The following SLC7A6 variants were observed in gnomAD, a reference collection of about 807,000 sequenced individuals.
SLC7A6 encodes the protein Y+L amino acid transporter 2.
A neutral mutation model predicts 46.6 loss-of-function variants in SLC7A6; 29 were observed. That is an observed-to-expected ratio of 0.62 (90% CI 0.46 to 0.85). SLC7A6 has a LOEUF of 0.85. SLC7A6 is among the 40% of genes least tolerant of loss of function. The pLI is 0.00. For missense variants in SLC7A6, 527 were observed against 647.6 expected, an observed-to-expected ratio of 0.81 and a Z score of 2.02; for synonymous variants, 276 against 257.3, an observed-to-expected ratio of 1.07 and a Z score of -0.70.
chr16:68,290,233 T>A, intron 4 of SLC7A6, 163 bp from the exon 5 acceptor site: 1 of 688,812 alleles, frequency 1.5e-6, no homozygotes, highest in South Asian at 2.3e-5. Context: ...CCTGCCTTCT[T>A]GTTTTTTCTT....
At position 68,275,047 on chromosome 16, in the gene SLC7A6, G is replaced by A. The variant is rs753248284; in HGVS notation, c.321G>A (p.Lys107=). ...CAGAGCTGGGGACCACCATCACCAA[G>A]TCGGGAGCCAGCTACGCTTATATTC... The part of the protein sequence containing the change: ...CYAELGTTIT[K]SGASYAYILE... The change falls in exon 3 of 11, where the codon AAG becomes AAA. Residue 107 remains lysine (K), a synonymous_variant. Transcript: ENST00000219343. 4 of 1,614,212 alleles carry A rather than the reference G, an allele frequency of 2.5e-6. No individual in the cohort carries two copies. Among genetic ancestry groups the A allele is most frequent in the Non-Finnish European group, 3.4e-6 (4 of 1,180,040 alleles).
chr16:68,274,134 C>T (rs920406466), intron 2 of SLC7A6, among the ~76,000 whole-genome samples: 3 of 152,218 alleles, frequency 2.0e-5, no homozygotes, highest in Admixed American at 6.5e-5. Context: ...GCATCTTCCT[C>T]GCCCTTCCCA....
chr16:68,284,299 T>G (rs1454561355), intron 3 of SLC7A6: 2 of 152,274 alleles, frequency 1.3e-5, no homozygotes, highest in African/African-American at 4.8e-5. Context: ...TTTTAGTATA[T>G]GTGCTGCTGA....
intron 7 of SLC7A6, 159 bp from the exon 8 acceptor site, chr16:68,294,546 G>A (rs1478509257): frequency 1.3e-5 from 8 of 620,964 alleles, no homozygotes; most frequent in Non-Finnish European, 2.3e-5. Context: ...GGGGGAGCAG[G>A]GAGGTTGGAC....
intron 3 of SLC7A6, among the ~76,000 whole-genome samples, chr16:68,286,530 T>C (rs893368901): frequency 6.6e-6 from 1 of 152,120 alleles, no homozygotes; most frequent in African/African-American, 2.4e-5. Flanking sequence ...CAAAAGATTT[T>C]GTAGTAAGAT....
intron 3 of SLC7A6, among the ~76,000 whole-genome samples, chr16:68,279,652 C>G (rs1303636710): frequency 6.6e-6 from 1 of 152,218 alleles, no homozygotes; most frequent in Non-Finnish European, 1.5e-5. Flanking sequence ...GATTCTCCTG[C>G]CTCAGCCTCC....
intron 3 of SLC7A6, among the ~76,000 whole-genome samples, chr16:68,276,128 A>C (rs1353927062): frequency 2.6e-5 from 4 of 152,152 alleles, no homozygotes; most frequent in African/African-American, 4.8e-5. Flanking sequence ...GGTACAACAA[A>C]ACACCTTTTC....
rs757289247 is a variant in SLC7A6 at position 68,301,391 on chromosome 16, T to C, written c.*4063T>C. On this transcript the variant is annotated 3_prime_UTR_variant, in exon 11 of 11. Transcript: ENST00000219343. ...CCTCTTTCCTCCTCACTCAGGCTGT[T>C]GTAGTCAGCAGAGCCTAGAATGACA... 1.2e-6 allele frequency: 2 copies of C among 1,614,056 alleles called. No individual in the cohort carries two copies. The highest frequency in any genetic ancestry group is 8.5e-7 in the Non-Finnish European group (1 of 1,179,946).
Position 68,296,699 on chromosome 16 carries a change from A to G in SLC7A6, c.1342A>G (p.Thr448Ala). Residue 448 changes from threonine (T) to alanine (A), a missense_variant, in exon 10 of 11, where the codon ACC becomes GCC. By Grantham distance (58) the Thr-to-Ala change is moderately conservative. Coordinates refer to ENST00000219343, the MANE Select transcript of SLC7A6 (RefSeq NM_003983.6). The stretch of plus-strand genomic sequence containing the variant: ...GGTGATAGTGCCCCTCTTCACTGAC[A>G]CCATTAATTCCCTCATTGGCATCGG... Reference protein sequence around the residue: ...FLVIVPLFTDTINSLIGIGIA... With the variant: ...FLVIVPLFTDAINSLIGIGIA... 2.5e-6 allele frequency: 4 copies of G among 1,614,066 alleles called. No individual in the cohort carries two copies. Among genetic ancestry groups the G allele is most frequent in the Non-Finnish European group, 2.5e-6 (3 of 1,179,980 alleles).
At chr16:68,295,935 T>C (rs925767521) in intron 8 of SLC7A6, among the ~76,000 whole-genome samples, 5 of 152,158 alleles carry the variant, frequency 3.3e-5, no homozygotes, top group Non-Finnish European at 7.3e-5. Context: ...AGGGATCCAA[T>C]TGCTAGTTAG....
chr16:68,270,982 C>T (rs535927292), intron 2 of SLC7A6, among the ~76,000 whole-genome samples: 2 of 152,104 alleles, frequency 1.3e-5, no homozygotes, highest in East Asian at 3.9e-4. Flanking sequence ...CCTTGGCCTC[C>T]CAAGTAGCTG....
intron 1 of SLC7A6, among the ~76,000 whole-genome samples, chr16:68,265,186 C>G (rs928555636): frequency 6.6e-6 from 1 of 152,170 alleles, no homozygotes; most frequent in Non-Finnish European, 1.5e-5. Context: ...TTGTGGCGTG[C>G]TGGAGCCTGG....
intron 2 of SLC7A6, chr16:68,273,192 C>T (rs2151215792): frequency 6.6e-6 from 1 of 152,240 alleles, no homozygotes; most frequent in South Asian, 2.1e-4. Context: ...CAGCATTTCC[C>T]CTAAGAACTA....
At position 68,297,272 on chromosome 16, in the gene SLC7A6, G is replaced by A. The variant is rs775196374; in HGVS notation, c.1492G>A (p.Val498Ile). Residue 498 changes from valine (V) to isoleucine (I), a missense_variant, in exon 11 of 11, where the codon GTC becomes ATC. Physicochemically the swap from Val to Ile is conservative, Grantham distance 29. Transcript: ENST00000219343. ...TRGTQQLCFC[V>I]LTELDVAEEK... is the part of the protein sequence containing the mutation. The stretch of plus-strand genomic sequence containing the variant: ...AGGCACCCAGCAGCTTTGCTTTTGT[G>A]TCCTGACTGAGCTTGATGTAGCCGA... 1 of 1,614,150 alleles carries A rather than the reference G, an allele frequency of 6.2e-7. No individual in the cohort carries two copies. Among genetic ancestry groups the A allele is most frequent in the Non-Finnish European group, 8.5e-7 (1 of 1,180,014 alleles).
In SLC7A6 at chr16:68,275,223, G is replaced by A. The variant is rs2042687801; in HGVS notation, c.497G>A (p.Cys166Tyr). Reference sequence around the variant, plus strand: ...AGCTGTGATCCCCCATACCTGGCCTGCCGTCTCCTGGCTGCTGCTTGCATA... The same window carrying A: ...AGCTGTGATCCCCCATACCTGGCCTACCGTCTCCTGGCTGCTGCTTGCATA... ...FPSCDPPYLA[C>Y]RLLAAACICL... Residue 166 changes from cysteine to tyrosine, a missense_variant, in exon 3 of 11, where the codon TGC becomes TAC. Physicochemically the swap from Cys to Tyr is radical, Grantham distance 194. Coordinates refer to ENST00000219343, the MANE Select transcript of SLC7A6 (RefSeq NM_003983.6). 6.2e-7 allele frequency: 1 copy of A among 1,612,618 alleles called. No individual in the cohort carries two copies. Among genetic ancestry groups the A allele is most frequent in the East Asian group, 2.2e-5 (1 of 44,822 alleles).
In SLC7A6 at chr16:68,273,993, C is replaced by T. The variant is rs1195500657; in HGVS notation, c.-36-698C>T. The stretch of plus-strand genomic sequence containing the variant: ...GCTAGGATGGTCTCGATCTCCTGAC[C>T]TTGTGGTCCGCCCGCCTCGGCCTCT... On this transcript the variant is annotated intron_variant, in intron 2 of 10. Transcript: ENST00000219343. The T allele has an allele frequency of 1.3e-5, 2 of 152,246 alleles. 1 individual carries two copies. Among genetic ancestry groups the T allele is most frequent in the Non-Finnish European group, 2.9e-5 (2 of 68,154 alleles). The allele number at this position is 152,246 out of a possible 1,614,324, so 9.4% of individuals were successfully genotyped here.
chr16:68,301,466 CCTTCT>C lies in SLC7A6; in HGVS notation c.*4145_*4149del. On this transcript the variant is annotated 3_prime_UTR_variant, in exon 11 of 11. Transcript: ENST00000219343. The stretch of plus-strand genomic sequence containing the variant: ...ATTTTCCTAGGCTACTGCAGGAGCC[CCTTCT>C]CTTCTCAGAAAGGTCTGTTTTTGTT... 6.8e-7 allele frequency: 1 copy of C among 1,480,966 alleles called. No homozygotes were observed. The highest frequency in any genetic ancestry group is 9.3e-7 in the Non-Finnish European group (1 of 1,078,046). 91.7% of individuals were successfully genotyped at this position (1,480,966 alleles called of 1,614,324 possible). A position where few individuals can be genotyped will look rare whatever the true frequency, so the allele number is the denominator to read the frequency against.
At position 68,291,282 on chromosome 16, in the gene SLC7A6, TAC is replaced by T. The variant is rs1453780795; in HGVS notation, c.872_873del (p.Thr291SerfsTer9). The T allele has an allele frequency of 6.2e-7, 1 of 1,614,248 alleles. No individual in the cohort carries two copies. The highest frequency in any genetic ancestry group is 8.5e-7 in the Non-Finnish European group (1 of 1,180,044). On this transcript the variant is annotated frameshift_variant, in exon 6 of 11. Transcript: ENST00000219343. LOFTEE classifies it high-confidence loss of function. ...LIYILTNVAY[Y>X]TVLNISDVLS... is the part of the protein sequence containing the mutation. ...CTACATCCTGACCAATGTGGCCTAT[TAC>T]ACAGTGCTGAACATTTCAGATGTCC...
intron 10 of SLC7A6, 123 bp downstream of exon 10, chr16:68,296,933 C>A: frequency 1.0e-6 from 1 of 995,432 alleles, no homozygotes; most frequent in Non-Finnish European, 1.5e-6. Context: ...CCCAGCTGTC[C>A]ACGACTTCCC....
Sources: gnomAD v4.1 joint callset for allele counts (sites outside exome capture counted in the v4.1 genomes callset) on GRCh38, gnomAD v4.1.1 for gene constraint, MANE v1.5 for transcripts, NCBI Gene and HGNC (gene_info 2026-07-23, HGNC 2026-07-21) for gene names.